Variants in MMP28 observed in about 807,000 individuals in gnomAD.
MMP28 encodes matrix metalloproteinase-28.
Under a neutral mutation model 60.5 loss-of-function variants are expected in MMP28, and 55 were observed. The observed-to-expected ratio is 0.91, with a 90% CI of 0.73 to 1.14. The LOEUF (loss-of-function observed/expected upper bound fraction) is 1.14, where lower values mean the gene tolerates loss of function less well. Ranked by LOEUF, MMP28 falls within the 50% of genes most tolerant of loss-of-function variation. The pLI is 0.00. For missense variants in MMP28, 686 were observed against 738.3 expected, an observed-to-expected ratio of 0.93 and a Z score of 0.82; for synonymous variants, 318 against 312.5, an observed-to-expected ratio of 1.02 and a Z score of -0.18.
chr17:35,768,180 A>C, intron 6 of MMP28, 50 bp downstream of exon 6: 1 of 1,549,554 alleles, frequency 6.5e-7, no homozygotes, highest in Non-Finnish European at 8.7e-7. Context: ...GGAGACACTA[A>C]GAGATATGGA....
At position 35,766,378 on chromosome 17, in the gene MMP28, G is replaced by C; in HGVS notation, c.*122C>G. ...AAAGGCAGACAGACTTCCAGATGGA[G>C]GCTTTGCTGCCCGGTCTTCTGCAGA... On this transcript the variant is annotated 3_prime_UTR_variant, in exon 8 of 8. Coordinates refer to ENST00000605424, the MANE Select transcript of MMP28 (RefSeq NM_024302.5). This position sits in a 1 kb window ranked among gnomAD's most constrained non-coding sequence, Gnocchi z 4.3. 7.0e-7 allele frequency: 1 copy of C among 1,425,442 alleles called. No individual in the cohort carries two copies. Among genetic ancestry groups the C allele is most frequent in the Non-Finnish European group, 9.2e-7 (1 of 1,092,188 alleles). The allele number at this position is 1,425,442 out of a possible 1,614,324, so 88.3% of individuals were successfully genotyped here. A position where few individuals can be genotyped will look rare whatever the true frequency, so the allele number is the denominator to read the frequency against.
chr17:35,788,711 G>T lies in MMP28; in HGVS notation c.111+6556C>A, dbSNP rs112071112. Among the ~76,000 whole-genome samples, 1,306 of 152,220 alleles carry T rather than the reference G, an allele frequency of 8.6e-3. 15 individuals are homozygous for T. The highest frequency in any genetic ancestry group is 0.03 in the African/African-American group (1,226 of 41,528). On this transcript the variant is annotated intron_variant, in intron 1 of 7. Transcript: ENST00000605424. ...TCTCCCTGGAGAAACAAACTATCCA[G>T]CTCCTGGTACTGGCACACTGGGAGT...
intron 3 of MMP28, among the ~76,000 whole-genome samples, chr17:35,774,192 C>T (rs1231035836): frequency 6.6e-6 from 1 of 152,240 alleles, no homozygotes; most frequent in Non-Finnish European, 1.5e-5. Flanking sequence ...CTTACCCCAG[C>T]CCCCGTCAAC....
intron 1 of MMP28, among the ~76,000 whole-genome samples, chr17:35,792,148 G>A (rs987843858): frequency 7.9e-5 from 12 of 152,024 alleles, no homozygotes; most frequent in South Asian, 2.1e-4. Context: ...CCATTCCCAC[G>A]TTCTTCTCAC....
At position 35,766,109 on chromosome 17, in the gene MMP28, T is replaced by C. The variant is rs575184278; in HGVS notation, c.*391A>G. Reference sequence around the variant, plus strand: ...GGGGGTCCTGAGGAGAAGGGCACAGTCTTGCAAAATGGTCTCGAATTTCTC... The same window carrying C: ...GGGGGTCCTGAGGAGAAGGGCACAGCCTTGCAAAATGGTCTCGAATTTCTC... On this transcript the variant is annotated 3_prime_UTR_variant, in exon 8 of 8. Transcript: ENST00000605424. The surrounding 1 kb of genome is among the most constrained non-coding windows in gnomAD (Gnocchi z 4.3). The C allele has an allele frequency of 5.0e-6, 5 of 1,009,012 alleles. No individual in the cohort carries two copies. The highest frequency in any genetic ancestry group is 5.9e-6 in the Non-Finnish European group (5 of 845,232). 62.5% of individuals were successfully genotyped at this position (1,009,012 alleles called of 1,614,324 possible).
chr17:35,764,552 C>T (rs1555602406), downstream of MMP28: 1 of 1,596,510 alleles, frequency 6.3e-7, no homozygotes, highest in South Asian at 1.1e-5. Flanking sequence ...GCCACCCAGC[C>T]TATGTGGCGC....
intron 2 of MMP28, among the ~76,000 whole-genome samples, chr17:35,758,508 AG>A (rs2085765472): frequency 6.6e-6 from 1 of 152,138 alleles, no homozygotes; most frequent in Admixed American, 6.5e-5. Flanking sequence ...CCTGGCCAAC[AG>A]GGTGAAACCC....
downstream of MMP28, chr17:35,764,433 A>G: frequency 1.4e-5 from 21 of 1,540,230 alleles, no homozygotes; most frequent in Non-Finnish European, 1.7e-5. Flanking sequence ...CAGGAAGCGG[A>G]GCCTCCCGGA....
chr17:35,762,388 A>G (rs2085837691), downstream of MMP28, among the ~76,000 whole-genome samples: 1 of 152,148 alleles, frequency 6.6e-6, no homozygotes, highest in South Asian at 2.1e-4. Flanking sequence ...TCCAGATGTG[A>G]CAGACACAGG....
At chr17:35,763,936 A>ATAAATAAATAAATAAG, downstream of MMP28, 4 of 1,080,400 alleles carry the variant, frequency 3.7e-6, no homozygotes, top group Non-Finnish European at 3.6e-6. Flanking sequence ...AAATAAATAA[A>ATAAATAAATAAATAAG]TACATGAAAA....
Position 35,759,793 on chromosome 17 carries a change from C to T in MMP28, c.266-3374G>A, listed in dbSNP as rs587598039. 9.8e-4 allele frequency among the ~76,000 whole-genome samples: 149 copies of T among 151,452 alleles called. 1 individual carries two copies. The highest frequency in any genetic ancestry group is 1.6e-3 in the Non-Finnish European group (111 of 67,954). On this transcript the variant is annotated intron_variant, in intron 2 of 2. Coordinates refer to the MMP28 transcript ENST00000615317. ...CTCTGCATATACCGGTATCCACTGG[C>T]ACTCATTTGTGTCACTCATAGGACA...
At chr17:35,779,973 C>A (rs1337853520) in intron 1 of MMP28, among the ~76,000 whole-genome samples, 2 of 152,160 alleles carry the variant, frequency 1.3e-5, no homozygotes, top group Non-Finnish European at 2.9e-5. Context: ...CAGGTGCTAG[C>A]TCTGCCATGG....
chr17:35,762,000 C>G (rs2085829956), downstream of MMP28, among the ~76,000 whole-genome samples: 1 of 151,528 alleles, frequency 6.6e-6, no homozygotes, highest in African/African-American at 2.4e-5. Flanking sequence ...TTCTTTTTTT[C>G]TTTTTTTGAG....
chr17:35,789,069 A>C (rs1301023899), intron 1 of MMP28, among the ~76,000 whole-genome samples: 2 of 152,234 alleles, frequency 1.3e-5, no homozygotes, highest in Non-Finnish European at 2.9e-5. Context: ...GTAAGCACTT[A>C]ATCTCCTCCC....
At chr17:35,771,388 G>A (rs1008888322) in intron 4 of MMP28, among the ~76,000 whole-genome samples, 20 of 133,934 alleles carry the variant, frequency 1.5e-4, no homozygotes, top group African/African-American at 5.9e-4. Context: ...CTGAGATCAC[G>A]CCATTGCACT....
At chr17:35,776,702 A>G (rs1028581049) in intron 3 of MMP28, among the ~76,000 whole-genome samples, 2 of 151,980 alleles carry the variant, frequency 1.3e-5, no homozygotes, top group African/African-American at 4.8e-5. Flanking sequence ...CCCGGACAAC[A>G]TGGTGAAACC....
chr17:35,785,357 T>G (rs2086616729), intron 1 of MMP28, among the ~76,000 whole-genome samples: 1 of 152,164 alleles, frequency 6.6e-6, no homozygotes, highest in African/African-American at 2.4e-5. Flanking sequence ...GTCTTGAGTT[T>G]TATTCCTGGT....
intron 2 of MMP28, chr17:35,757,175 T>TA (rs1362739491): frequency 1.3e-4 from 20 of 151,374 alleles, no homozygotes; most frequent in Admixed American, 1.3e-3. Flanking sequence ...AATAAATAAA[T>TA]AAATAAAATA....
intron 1 of MMP28, among the ~76,000 whole-genome samples, chr17:35,780,834 C>T (rs1278076785): frequency 2.8e-5 from 4 of 144,020 alleles, no homozygotes; most frequent in Admixed American, 7.0e-5. Context: ...GACCCTGTCT[C>T]GAAAAGAAAA....
Sources: allele counts gnomAD v4.1 joint callset (sites outside exome capture counted in the v4.1 genomes callset), GRCh38; gene constraint gnomAD v4.1.1; non-coding constraint Gnocchi (gnomAD v3.1); transcripts MANE v1.5; gene names NCBI Gene and HGNC (gene_info 2026-07-23, HGNC 2026-07-21).